Variants in ZSCAN25 observed in about 807,000 individuals in gnomAD.
ZSCAN25 encodes the protein zinc finger and SCAN domain containing 25.
ZSCAN25 carries 27 observed loss-of-function variants against 38.7 expected under a neutral mutation model. That is an observed-to-expected ratio of 0.70 (90% confidence interval 0.51 to 0.96). The LOEUF is 0.96. Ranked by LOEUF, ZSCAN25 falls within the 40% of genes least tolerant of loss-of-function variation. The pLI is 0.00. For synonymous variants in ZSCAN25, 273 were observed against 277.7 expected (o/e 0.98, Z 0.17); for missense variants, 637 against 705.9 (o/e 0.90, Z 1.11).
chr7:99,703,604 A>G, the ZSCAN25 span, among the ~76,000 whole-genome samples: 1 of 152,142 alleles, frequency 6.6e-6, no homozygotes. Flanking sequence ...ATCCATTCCA[A>G]TCTAATTTCA....
chr7:99,659,217 T>A, the ZSCAN25 span: 1 of 152,226 alleles, frequency 6.6e-6, no homozygotes, highest in Non-Finnish European at 1.5e-5. Flanking sequence ...TTTATCTACC[T>A]TTGATCTTTG....
At chr7:99,664,893 G>A in the ZSCAN25 span, among the ~76,000 whole-genome samples, 4 of 152,172 alleles carry the variant, frequency 2.6e-5, no homozygotes, top group African/African-American at 9.7e-5. Flanking sequence ...TCTATGAAGT[G>A]TCCAGAATAG....
chr7:99,686,782 CA>C, the ZSCAN25 span, among the ~76,000 whole-genome samples: 1 of 152,154 alleles, frequency 6.6e-6, no homozygotes, highest in African/African-American at 2.4e-5. Context: ...ACTGACACCT[CA>C]CACGGCCAGG....
chr7:99,711,060 C>T, the ZSCAN25 span, among the ~76,000 whole-genome samples: 6 of 152,104 alleles, frequency 3.9e-5, no homozygotes, highest in African/African-American at 1.4e-4. Context: ...CTTACAGAGC[C>T]AGAACAAGGC....
At chr7:99,620,129 C>CT (rs1489034134) in intron 4 of ZSCAN25, 136 bp downstream of exon 4, 2 of 1,295,938 alleles carry the variant, frequency 1.5e-6, no homozygotes, top group Non-Finnish European at 2.1e-6. Flanking sequence ...CCCTGAGGTT[C>CT]TTTTTGGAGA....
At chr7:99,722,314 T>G in the ZSCAN25 span, 2 of 1,613,614 alleles carry the variant, frequency 1.2e-6, no homozygotes, top group Admixed American at 1.7e-5. Context: ...TTTTCTATAC[T>G]TTTTATAACA....
Position 99,630,314 on chromosome 7 carries a change from A to G in ZSCAN25, c.*294A>G. 2 of 1,189,822 alleles carry G rather than the reference A, an allele frequency of 1.7e-6. No individual in the cohort carries two copies. The highest frequency in any genetic ancestry group is 2.1e-6 in the Non-Finnish European group (2 of 958,130). 73.7% of individuals were successfully genotyped at this position (1,189,822 alleles called of 1,614,324 possible). ...TGGACTGTCTGTGTCCCCCTGCCGA[A>G]CAAAGCTGGGAGTAAAGGCAAAACC... On this transcript the variant is annotated 3_prime_UTR_variant, in exon 8 of 8. Coordinates refer to ENST00000394152, the MANE Select transcript of ZSCAN25 (RefSeq NM_145115.3).
chr7:99,732,037 T>A, the ZSCAN25 span, among the ~76,000 whole-genome samples: 6 of 152,182 alleles, frequency 3.9e-5, no homozygotes, highest in African/African-American at 1.4e-4. Flanking sequence ...TCTGTGCCCC[T>A]ACCCAAATCT....
At chr7:99,637,132 T>TA (rs1225503206), downstream of ZSCAN25, among the ~76,000 whole-genome samples, 3 of 152,228 alleles carry the variant, frequency 2.0e-5, no homozygotes, top group Admixed American at 6.5e-5. Flanking sequence ...AGCTTCAGCT[T>TA]AATCAGTTGC....
chr7:99,660,326 G>C, the ZSCAN25 span: 5 of 1,206,004 alleles, frequency 4.1e-6, no homozygotes, highest in Admixed American at 4.2e-5. Flanking sequence ...TCTGCCAGTA[G>C]CAACCGTTCT....
chr7:99,686,358 A>T, the ZSCAN25 span, among the ~76,000 whole-genome samples: 1 of 152,200 alleles, frequency 6.6e-6, no homozygotes, highest in African/African-American at 2.4e-5. Flanking sequence ...AGGAGATTAT[A>T]TCCTGCACAT....
the ZSCAN25 span, among the ~76,000 whole-genome samples, chr7:99,716,952 T>C: frequency 2.6e-5 from 4 of 152,320 alleles, no homozygotes; most frequent in Admixed American, 2.6e-4. Flanking sequence ...TTAACAGATA[T>C]GTAAACCCTG....
chr7:99,652,447 A>T, the ZSCAN25 span: 1 of 762,814 alleles, frequency 1.3e-6, no homozygotes, highest in African/African-American at 1.7e-5. Context: ...AAGACTTACA[A>T]GCAAATGATT....
chr7:99,722,622 G>T, the ZSCAN25 span, among the ~76,000 whole-genome samples: 1 of 152,222 alleles, frequency 6.6e-6, no homozygotes, highest in African/African-American at 2.4e-5. Flanking sequence ...TCTTTCTGAT[G>T]TCTCTTTGCT....
chr7:99,658,462 G>A, the ZSCAN25 span, among the ~76,000 whole-genome samples: 1 of 152,050 alleles, frequency 6.6e-6, no homozygotes, highest in Non-Finnish European at 1.5e-5. Context: ...CTGTTAGTCT[G>A]ATGGGTTTGT....
the ZSCAN25 span, among the ~76,000 whole-genome samples, chr7:99,702,608 G>A: frequency 0.75 from 113,945 of 152,130 alleles, 46,279 homozygotes; most frequent in Non-Finnish European, 0.91. Flanking sequence ...TGGTCAATGT[G>A]TCTGTTTTTA....
the ZSCAN25 span, chr7:99,652,574 G>C: frequency 1.2e-6 from 2 of 1,612,408 alleles, no homozygotes; most frequent in Non-Finnish European, 1.7e-6. Flanking sequence ...GAACTCCTCA[G>C]GCTCTGTCCA....
At chr7:99,676,844 A>G in the ZSCAN25 span, among the ~76,000 whole-genome samples, 1 of 151,914 alleles carries the variant, frequency 6.6e-6, no homozygotes, top group Non-Finnish European at 1.5e-5. Context: ...CATGGCTTCT[A>G]TTGGCCTTAT....
the ZSCAN25 span, chr7:99,722,281 T>G: frequency 6.2e-7 from 1 of 1,613,434 alleles, no homozygotes; most frequent in African/African-American, 1.3e-5. Flanking sequence ...CAATGGAATC[T>G]TCCAGAATAC....
Sources: gnomAD v4.1 joint callset for allele counts (sites outside exome capture counted in the v4.1 genomes callset) on GRCh38, gnomAD v4.1.1 for gene constraint, MANE v1.5 for transcripts, NCBI Gene and HGNC (gene_info 2026-07-23, HGNC 2026-07-21) for gene names.